Variants in GABRG3 observed in about 807,000 individuals in gnomAD.
The protein encoded by GABRG3 is gamma-aminobutyric acid type A receptor subunit gamma3.
Under a neutral mutation model 48.8 loss-of-function variants are expected in GABRG3, and 25 were observed. That is an observed-to-expected ratio of 0.51 (90% CI 0.37 to 0.72). The LOEUF (loss-of-function observed/expected upper bound fraction) is 0.72, where lower values mean the gene tolerates loss of function less well. Ranked by LOEUF, GABRG3 falls within the 30% of genes least tolerant of loss-of-function variation. GABRG3 has a pLI of 0.00. For synonymous variants in GABRG3, 227 were observed against 217.6 expected (o/e 1.04, Z -0.38); for missense variants, 394 against 577.9 (o/e 0.68, Z 3.26).
intron 7 of GABRG3, among the ~76,000 whole-genome samples, chr15:27,526,596 T>A (rs2150864513): frequency 6.6e-6 from 1 of 152,256 alleles, no homozygotes; most frequent in East Asian, 1.9e-4. Flanking sequence ...TGTTCAATAG[T>A]CTCCATGTCT....
intron 5 of GABRG3, among the ~76,000 whole-genome samples, chr15:27,470,892 C>G (rs1038300346): frequency 6.9e-6 from 1 of 145,610 alleles, no homozygotes. Flanking sequence ...TTCTCAAATC[C>G]TAGTATATGG....
In GABRG3 at chr15:27,534,789, T is replaced by C. The variant is rs955341868; in HGVS notation, c.*1908T>C. 8 of 152,200 alleles carry C rather than the reference T, an allele frequency of 5.3e-5. No homozygotes were observed. Among genetic ancestry groups the C allele is most frequent in the African/African-American group, 1.9e-4 (8 of 41,456 alleles). The allele number at this position is 152,200 out of a possible 1,614,324, so 9.4% of individuals were successfully genotyped here. A position where few individuals can be genotyped will look rare whatever the true frequency, so the allele number is the denominator to read the frequency against. On this transcript the variant is annotated 3_prime_UTR_variant, in exon 10 of 10. Coordinates refer to ENST00000615808, the MANE Select transcript of GABRG3 (RefSeq NM_033223.5). ...GTTGCATATTAAACGGATGCAAAGA[T>C]ATAGATATGTCTGAATTTCCAAAGA...
intron 5 of GABRG3, among the ~76,000 whole-genome samples, chr15:27,350,597 G>A (rs2140535637): frequency 6.6e-6 from 1 of 152,224 alleles, no homozygotes; most frequent in Admixed American, 6.5e-5. Context: ...TCTACGTCCA[G>A]GGAGTCTGGA....
chr15:27,430,162 G>T (rs559727853), intron 5 of GABRG3, among the ~76,000 whole-genome samples: 2 of 152,244 alleles, frequency 1.3e-5, no homozygotes, highest in Non-Finnish European at 2.9e-5. Flanking sequence ...ATGATGTTGA[G>T]CATCTCTTTA....
chr15:27,332,693 T>A (rs150408231), intron 5 of GABRG3, among the ~76,000 whole-genome samples: 2 of 152,218 alleles, frequency 1.3e-5, no homozygotes, highest in Admixed American at 1.3e-4. Context: ...ACTTGTTATA[T>A]TCACTATCAT....
chr15:27,514,476 G>T lies in GABRG3; in HGVS notation c.713-5496G>T, dbSNP rs150902855. Among the ~76,000 whole-genome samples, 430 of 152,294 alleles carry T rather than the reference G, an allele frequency of 2.8e-3. 3 individuals are homozygous for T. The highest frequency in any genetic ancestry group is 1.0e-2 in the African/African-American group (414 of 41,558). On this transcript the variant is annotated intron_variant, in intron 6 of 9. Transcript: ENST00000615808. ...AGGACAGTCTCTCTCTTCATGAAAG[G>T]CTCAGTCTTTCTTTTAACATCTTTC...
intron 3 of GABRG3, among the ~76,000 whole-genome samples, chr15:27,125,100 A>G (rs1304805645): frequency 6.6e-6 from 1 of 152,150 alleles, no homozygotes; most frequent in East Asian, 1.9e-4. Context: ...TCTCAAACCA[A>G]AGAGATGTAG....
At chr15:27,178,282 T>G (rs1887810795) in intron 3 of GABRG3, among the ~76,000 whole-genome samples, 1 of 152,178 alleles carries the variant, frequency 6.6e-6, no homozygotes, top group South Asian at 2.1e-4. Context: ...TCTGACTAGT[T>G]TTTGCAGTTC....
intron 5 of GABRG3, among the ~76,000 whole-genome samples, chr15:27,376,596 G>A (rs1895604649): frequency 6.6e-6 from 1 of 152,196 alleles, no homozygotes; most frequent in Admixed American, 6.5e-5. Flanking sequence ...AAGCTGCCAA[G>A]GATTGAGGCT....
intron 5 of GABRG3, among the ~76,000 whole-genome samples, chr15:27,343,588 G>T (rs1175866239): frequency 2.0e-5 from 3 of 152,196 alleles, no homozygotes; most frequent in Non-Finnish European, 4.4e-5. Context: ...GTAGGTGGCT[G>T]TCTAAGCTAA....
intron 1 of GABRG3, among the ~76,000 whole-genome samples, chr15:26,972,140 C>G (rs1016796493): frequency 3.9e-5 from 6 of 152,026 alleles, no homozygotes; most frequent in Non-Finnish European, 5.9e-5. Flanking sequence ...CCTCCCAGGT[C>G]CTGCAAACAC....
At chr15:27,427,795 C>G (rs1377343203) in intron 5 of GABRG3, among the ~76,000 whole-genome samples, 1 of 152,128 alleles carries the variant, frequency 6.6e-6, no homozygotes, top group Admixed American at 6.5e-5. Context: ...GTCATACATG[C>G]CTGAATATTT....
chr15:27,335,482 C>T (rs550904657), intron 5 of GABRG3, among the ~76,000 whole-genome samples: 1 of 152,140 alleles, frequency 6.6e-6, no homozygotes, highest in African/African-American at 2.4e-5. Flanking sequence ...TTTGCATTTC[C>T]CTAATGACTA....
In GABRG3 at chr15:26,974,195, C is replaced by T. The variant is rs1416461069; in HGVS notation, c.53+2607C>T. Among the ~76,000 whole-genome samples, 1 of 152,142 alleles carries T rather than the reference C, an allele frequency of 6.6e-6. No homozygotes were observed. The highest frequency in any genetic ancestry group is 1.5e-5 in the Non-Finnish European group (1 of 68,030). ...GCTACACAGCTGGGGCCCTGATATGCCTCCCAAAGGGGTGGAAGAGAACGT... is the reference window on the plus strand; with the variant it reads ...GCTACACAGCTGGGGCCCTGATATGTCTCCCAAAGGGGTGGAAGAGAACGT... On this transcript the variant is annotated intron_variant, in intron 1 of 9. Transcript: ENST00000615808. The surrounding 1 kb of genome is among the most constrained non-coding windows in gnomAD (Gnocchi z 4.3).
intron 3 of GABRG3, among the ~76,000 whole-genome samples, chr15:27,200,557 C>T (rs1005847517): frequency 2.6e-5 from 4 of 152,128 alleles, no homozygotes; most frequent in African/African-American, 4.8e-5. Context: ...CCCTCCTTCA[C>T]GGAGCTCATT....
At chr15:27,234,809 G>T (rs192875107) in intron 3 of GABRG3, among the ~76,000 whole-genome samples, 200 of 152,294 alleles carry the variant, frequency 1.3e-3, no homozygotes, top group Non-Finnish European at 1.3e-3. Context: ...TAATTAGGAA[G>T]CAAAGGGATC....
At position 27,030,382 on chromosome 15, in the gene GABRG3, G is replaced by A. The variant is rs546365342; in HGVS notation, c.270+3561G>A. The stretch of plus-strand genomic sequence containing the variant: ...CCTCAGCCATTCCTTCTGTGGAGTG[G>A]AAATGAAGTTGTGTCTCAATCTATT... On this transcript the variant is annotated intron_variant, in intron 3 of 9. Coordinates refer to ENST00000615808, the MANE Select transcript of GABRG3 (RefSeq NM_033223.5). Among the ~76,000 whole-genome samples, 172 of 152,098 alleles carry A rather than the reference G, an allele frequency of 1.1e-3. 1 individual carries two copies. The highest frequency in any genetic ancestry group is 1.6e-3 in the Non-Finnish European group (112 of 68,028).
rs1397616691 is a variant in GABRG3 at position 27,349,838 on chromosome 15, C to T, written c.574+20950C>T. ...TGGGAAAGCAGTTGCACTGGATTCT[C>T]TCTCCCCGGGACATGTCCTTTCTGG... On this transcript the variant is annotated intron_variant, in intron 5 of 9. Coordinates refer to ENST00000615808, the MANE Select transcript of GABRG3 (RefSeq NM_033223.5). 3.9e-5 allele frequency among the ~76,000 whole-genome samples: 6 copies of T among 152,120 alleles called. No individual in the cohort carries two copies. The East Asian group carries it at 1.2e-3, about 29-fold the overall frequency.
At chr15:27,404,153 G>A (rs1272229532) in intron 5 of GABRG3, among the ~76,000 whole-genome samples, 3 of 151,982 alleles carry the variant, frequency 2.0e-5, no homozygotes, top group African/African-American at 4.8e-5. Context: ...CCCGGGAGGC[G>A]GAGCTTGCAG....
Sources: gnomAD v4.1 joint callset for allele counts (sites outside exome capture counted in the v4.1 genomes callset) on GRCh38, gnomAD v4.1.1 for gene constraint, Gnocchi (gnomAD v3.1) non-coding constraint, MANE v1.5 for transcripts, NCBI Gene and HGNC (gene_info 2026-07-23, HGNC 2026-07-21) for gene names.